Variants in DST observed in about 807,000 individuals in gnomAD.
DST encodes dystonin.
A neutral mutation model predicts 875.2 loss-of-function variants in DST; 253 were observed. The observed-to-expected ratio is 0.29, with a 90% confidence interval of 0.26 to 0.32. The LOEUF (loss-of-function observed/expected upper bound fraction) is 0.32. Ranked by LOEUF, DST falls within the 10% of genes least tolerant of loss-of-function variation. The pLI is 1.00. For synonymous variants in DST, 3,124 were observed against 3,197.1 expected (o/e 0.98, Z 0.77); for missense variants, 8,287 against 9,111.6 (o/e 0.91, Z 3.68).
In DST at chr6:56,552,383, C is replaced by T. The variant is rs769401147; in HGVS notation, c.16409G>A (p.Ser5470Asn). ...GTCCAGTAACTTGTTGCATTGTTTG[C>T]TTAAGGCCTCCAAGTCCCTTTTGAT... ...VGIKRDLEAL[S>N]KQCNKLLDRA... The change falls in exon 61 of 104, where the codon AGC (serine) becomes AAC (asparagine). Residue 5470 changes from serine (S) to asparagine (N), a missense_variant. Around this residue, in one of 10 missense-constraint regions of DST, gnomAD observed 777 missense variants for 764.8 expected, o/e 1.02. Coordinates refer to ENST00000680361, the MANE Select transcript of DST (RefSeq NM_001374736.1). 88 of 1,613,814 alleles carry T rather than the reference C, an allele frequency of 5.5e-5. No individual in the cohort carries two copies. In the Middle Eastern group the frequency reaches 1.2e-3, roughly 21 times the overall value.
chr6:56,736,173 A>C (rs1039716115), intron 4 of DST, among the ~76,000 whole-genome samples: 5 of 152,134 alleles, frequency 3.3e-5, no homozygotes, highest in Admixed American at 6.5e-5. Flanking sequence ...TACAGACGTG[A>C]GCCACCATGC....
rs1170586869 is a variant in DST, at chr6:56,584,907, T to C, written c.12904-5970A>G. 5.3e-5 allele frequency among the ~76,000 whole-genome samples: 8 copies of C among 152,092 alleles called. No homozygotes were observed. The South Asian group carries it at 1.5e-3, about 28-fold the overall frequency. ...ATGCTGCATTACATTTATTGATTTGTGTATATTGAACCAGCCTTGCATCCC... is the reference window on the plus strand; with the variant it reads ...ATGCTGCATTACATTTATTGATTTGCGTATATTGAACCAGCCTTGCATCCC... On this transcript the variant is annotated intron_variant, in intron 49 of 103. Transcript: ENST00000680361.
intron 4 of DST, among the ~76,000 whole-genome samples, chr6:56,804,381 C>A (rs867169768): frequency 1.7e-4 from 26 of 152,008 alleles, no homozygotes; most frequent in African/African-American, 6.0e-4. Flanking sequence ...GTAATTATGA[C>A]CCTAGTTTCA....
At chr6:56,902,368 T>C (rs1399996060) in intron 2 of DST, among the ~76,000 whole-genome samples, 1 of 152,180 alleles carries the variant, frequency 6.6e-6, no homozygotes, top group African/African-American at 2.4e-5. Flanking sequence ...ATGAACAGTA[T>C]GAGAAAAGGC....
chr6:56,781,039 T>C (rs1242714019), intron 4 of DST, among the ~76,000 whole-genome samples: 4 of 151,994 alleles, frequency 2.6e-5, no homozygotes, highest in Non-Finnish European at 5.9e-5. Flanking sequence ...TAGTTGTAGA[T>C]ATGTGGTGTT....
chr6:56,467,829 A>C (rs2094660764), intron 98 of DST, among the ~76,000 whole-genome samples: 1 of 152,158 alleles, frequency 6.6e-6, no homozygotes, highest in Non-Finnish European at 1.5e-5. Flanking sequence ...GAGAAAATAG[A>C]CTAATGTTGC....
At position 56,536,853 on chromosome 6, in the gene DST, T is replaced by G. The variant is rs547846036; in HGVS notation, c.16696A>C (p.Lys5566Gln). Residue 5566 changes from lysine (K) to glutamine (Q), a missense_variant, in exon 62 of 104, where the codon AAA (lysine) becomes CAA (glutamine). Transcript: ENST00000680361. ...TCCAAGCCCTGAGTGCTAGTGCTTT[T>G]GGCAGCACTCTGAATAAGGCCTTGA... is the stretch of plus-strand genomic sequence containing the variant. Reference protein sequence around the residue: ...LGQGLIQSAAKSTSTQGLEHD... With the variant: ...LGQGLIQSAAQSTSTQGLEHD... The G allele has an allele frequency of 2.5e-6, 4 of 1,613,572 alleles. No homozygotes were observed. The South Asian group carries it at 3.3e-5, about 13-fold the overall frequency.
In DST at chr6:56,552,021, G is replaced by A. The variant is rs572343146; in HGVS notation, c.16608+163C>T. On this transcript the variant is annotated intron_variant, in intron 61 of 103. Transcript: ENST00000680361. ...CCAAATCCCCAGTGGCCTTGTAACT[G>A]CCCCACCTGCCTGGGTGTTACCCCC... Among the ~76,000 whole-genome samples, 11 of 152,230 alleles carry A rather than the reference G, an allele frequency of 7.2e-5. No individual in the cohort carries two copies. The South Asian group carries it at 2.3e-3, about 32-fold the overall frequency.
At chr6:56,639,093 G>C in intron 22 of DST, 166 bp downstream of exon 22, 2 of 668,414 alleles carry the variant, frequency 3.0e-6, no homozygotes, top group Non-Finnish European at 5.3e-6. Flanking sequence ...CATACTTAGA[G>C]CCAGAGAACT....
intron 49 of DST, among the ~76,000 whole-genome samples, chr6:56,582,022 C>T (rs529680678): frequency 2.0e-5 from 3 of 152,172 alleles, no homozygotes; most frequent in East Asian, 3.9e-4. Flanking sequence ...ATTTTACCTG[C>T]TTAATATTTT....
chr6:56,515,306 T>C, intron 72 of DST, 144 bp downstream of exon 72: 3 of 862,526 alleles, frequency 3.5e-6, no homozygotes, highest in Non-Finnish European at 5.2e-6. Context: ...GAAGCAATTA[T>C]GAGGTAAGCA....
At chr6:56,688,714 G>A (rs1027022435) in intron 9 of DST, among the ~76,000 whole-genome samples, 5 of 152,182 alleles carry the variant, frequency 3.3e-5, no homozygotes, top group South Asian at 2.1e-4. Context: ...CACCCCAGGT[G>A]ACTAATTCTC....
At chr6:56,558,690 T>C (rs940884513) in intron 58 of DST, among the ~76,000 whole-genome samples, 20 of 152,146 alleles carry the variant, frequency 1.3e-4, no homozygotes, top group African/African-American at 4.3e-4. Flanking sequence ...TAACTCCTCG[T>C]TACCTAGACG....
rs1462522389 is a variant in DST, at chr6:56,529,967, A to G, written c.17268+7T>C. The G allele has an allele frequency of 9.3e-6, 15 of 1,612,734 alleles. No homozygotes were observed. In the East Asian group the frequency reaches 1.3e-4, roughly 14 times the overall value. ...TGAACCTCGCTAATGTGTGATTTAT[A>G]TCTTACTTTGTGCTGTGCAATTTGT... is the stretch of plus-strand genomic sequence containing the variant. On this transcript the variant is annotated splice_region_variant and intron_variant, in intron 65 of 103. Transcript: ENST00000680361.
At chr6:56,655,963 C>T (rs1350318129) in intron 10 of DST, among the ~76,000 whole-genome samples, 1 of 152,212 alleles carries the variant, frequency 6.6e-6, no homozygotes, top group Non-Finnish European at 1.5e-5. Flanking sequence ...TCCTCAATAT[C>T]TAGCATAATG....
At chr6:56,701,371 T>C (rs1222658290) in intron 8 of DST, among the ~76,000 whole-genome samples, 5 of 152,134 alleles carry the variant, frequency 3.3e-5, no homozygotes, top group African/African-American at 1.2e-4. Context: ...GTCAGAAATG[T>C]TGTTATATCT....
chr6:56,888,605 T>G (rs1460128783), intron 3 of DST, among the ~76,000 whole-genome samples: 1 of 152,118 alleles, frequency 6.6e-6, no homozygotes, highest in African/African-American at 2.4e-5. Flanking sequence ...TTTAATAATC[T>G]AAGCAGGAAA....
At chr6:56,755,583 G>A (rs957193081) in intron 4 of DST, among the ~76,000 whole-genome samples, 2 of 151,780 alleles carry the variant, frequency 1.3e-5, no homozygotes, top group Non-Finnish European at 2.9e-5. Context: ...TTGATCACAG[G>A]TCTTCAGATT....
Position 56,458,026 on chromosome 6 carries a change from C to T in DST, c.*979G>A, listed in dbSNP as rs1408135118. 2.0e-5 allele frequency: 3 copies of T among 152,274 alleles called. No homozygotes were observed. The highest frequency in any genetic ancestry group is 4.4e-5 in the Non-Finnish European group (3 of 67,964). 9.4% of individuals were successfully genotyped at this position (152,274 alleles called of 1,614,324 possible). ...GTGAATATGTTTTATTAAATGCATA[C>T]TAATATCTTTCTATAGTATGTGAGT... On this transcript the variant is annotated 3_prime_UTR_variant, in exon 104 of 104. Coordinates refer to ENST00000680361, the MANE Select transcript of DST (RefSeq NM_001374736.1).
Sources: gnomAD v4.1 joint callset for allele counts (sites outside exome capture counted in the v4.1 genomes callset) on GRCh38, gnomAD v4.1.1 for gene constraint, gnomAD v4.1.1 regional missense constraint, MANE v1.5 for transcripts, NCBI Gene and HGNC (gene_info 2026-07-23, HGNC 2026-07-21) for gene names.